Variants in FRYL observed in about 807,000 individuals in gnomAD.
FRYL encodes FRY like transcription coactivator.
In FRYL, 150 loss-of-function variants were observed where a neutral mutation model predicts 351.2. That is an observed-to-expected ratio of 0.43 (90% confidence interval 0.37 to 0.49). The LOEUF (loss-of-function observed/expected upper bound fraction) is 0.49, where lower values mean the gene tolerates loss of function less well. Among genes scored for constraint, FRYL ranks in the 20% least tolerant of loss-of-function variants. The probability of loss-of-function intolerance (pLI) is 0.00; values close to 1 mark genes in which losing one functional copy is unlikely to be tolerated. For missense variants in FRYL, 3,036 were observed against 3,619.3 expected, an observed-to-expected ratio of 0.84 and a Z score of 4.13; for synonymous variants, 1,153 against 1,257.1, an observed-to-expected ratio of 0.92 and a Z score of 1.75.
Position 48,726,780 on chromosome 4 carries a change from T to G in FRYL, c.-383-16082A>C, listed in dbSNP as rs577626712. Among the ~76,000 whole-genome samples the G allele has an allele frequency of 3.9e-5, 6 of 152,358 alleles. 1 individual carries two copies. Among genetic ancestry groups the G allele is most frequent in the African/African-American group, 1.4e-4 (6 of 41,592 alleles). On this transcript the variant is annotated intron_variant, in intron 1 of 63. Transcript: ENST00000358350. ...TGCTGTCTCAGTAATTGATGACTCA[T>G]AGTGCCTTTACAGGAAAGACAACTT...
At chr4:48,671,387 G>A (rs1305173650) in intron 3 of FRYL, among the ~76,000 whole-genome samples, 3 of 152,138 alleles carry the variant, frequency 2.0e-5, no homozygotes, top group East Asian at 1.9e-4. Flanking sequence ...GAAAGCTAGG[G>A]CCGGGTGTGG....
chr4:48,639,375 T>C (rs985268600), intron 3 of FRYL, among the ~76,000 whole-genome samples: 1 of 151,670 alleles, frequency 6.6e-6, no homozygotes, highest in Admixed American at 6.6e-5. Flanking sequence ...AGCCCAGAAA[T>C]AGACCCACAC....
At chr4:48,584,470 G>C (rs1741649007) in intron 19 of FRYL, among the ~76,000 whole-genome samples, 1 of 152,172 alleles carries the variant, frequency 6.6e-6, no homozygotes, top group South Asian at 2.1e-4. Flanking sequence ...AGCAGCAGCA[G>C]TTCCATCAGC....
At chr4:48,715,855 T>C (rs1326796354) in intron 1 of FRYL, among the ~76,000 whole-genome samples, 3 of 152,180 alleles carry the variant, frequency 2.0e-5, no homozygotes, top group Non-Finnish European at 4.4e-5. Context: ...GGAGGCATCA[T>C]ACTTCCTGAC....
intron 2 of FRYL, among the ~76,000 whole-genome samples, chr4:48,706,161 G>A (rs1057484752): frequency 2.0e-5 from 3 of 152,128 alleles, no homozygotes; most frequent in African/African-American, 7.2e-5. Flanking sequence ...AGACTGAATT[G>A]AAAGACTTGA....
At chr4:48,533,905 G>A (rs530837132) in intron 49 of FRYL, among the ~76,000 whole-genome samples, 1 of 152,090 alleles carries the variant, frequency 6.6e-6, no homozygotes, top group East Asian at 1.9e-4. Context: ...GTAGAATCTC[G>A]TTAAAAAACA....
intron 3 of FRYL, among the ~76,000 whole-genome samples, chr4:48,676,365 C>G (rs1763676981): frequency 6.6e-6 from 1 of 152,148 alleles, no homozygotes; most frequent in Admixed American, 6.5e-5. Flanking sequence ...ACTCCCAACA[C>G]ATCTGAACAT....
intron 1 of FRYL, among the ~76,000 whole-genome samples, chr4:48,770,519 C>T (rs560734939): frequency 6.6e-6 from 1 of 152,106 alleles, no homozygotes; most frequent in Admixed American, 6.5e-5. Flanking sequence ...CTCACCGCAA[C>T]CTCCGCCTCC....
intron 16 of FRYL, among the ~76,000 whole-genome samples, chr4:48,593,421 C>T (rs1235891267): frequency 2.6e-5 from 4 of 151,924 alleles, no homozygotes; most frequent in South Asian, 2.1e-4. Flanking sequence ...CTCGACTCAC[C>T]GCAACCTCTG....
chr4:48,757,312 A>G (rs975843748), intron 1 of FRYL, among the ~76,000 whole-genome samples: 1 of 152,240 alleles, frequency 6.6e-6, no homozygotes, highest in African/African-American at 2.4e-5. Flanking sequence ...CCCTGTTTGC[A>G]GATGACATGA....
chr4:48,584,676 T>A (rs537824517), intron 19 of FRYL, among the ~76,000 whole-genome samples: 62 of 152,248 alleles, frequency 4.1e-4, no homozygotes, highest in Non-Finnish European at 6.8e-4. Context: ...ATACAGGGTA[T>A]ACATGTGTGA....
At chr4:48,571,038 G>C in intron 26 of FRYL, 120 bp from the exon 27 acceptor site, 4 of 672,090 alleles carry the variant, frequency 6.0e-6, no homozygotes, top group Non-Finnish European at 1.0e-5. Flanking sequence ...GTACAGTGTA[G>C]ACTGTGGGTA....
intron 33 of FRYL, 37 bp downstream of exon 33, chr4:48,561,431 G>A (rs369845153): frequency 1.5e-6 from 2 of 1,326,452 alleles, no homozygotes; most frequent in African/African-American, 1.5e-5. Context: ...AGAAATGATT[G>A]ACAAATAGAA....
chr4:48,628,017 C>T (rs1474402428), intron 4 of FRYL, among the ~76,000 whole-genome samples: 1 of 152,162 alleles, frequency 6.6e-6, no homozygotes, highest in African/African-American at 2.4e-5. Context: ...GTGATCCATG[C>T]GCCTCAGCCT....
chr4:48,617,034 G>A (rs933947816), intron 7 of FRYL, among the ~76,000 whole-genome samples: 1 of 151,960 alleles, frequency 6.6e-6, no homozygotes, highest in African/African-American at 2.4e-5. Context: ...TTTTACCAGC[G>A]GGAATAATCC....
intron 3 of FRYL, among the ~76,000 whole-genome samples, chr4:48,644,900 C>T (rs58976855): frequency 6.6e-6 from 1 of 150,958 alleles, no homozygotes; most frequent in Admixed American, 6.6e-5. Context: ...ATAAACAAGA[C>T]AAAGTTGGAG....
chr4:48,653,976 G>C (rs1758261854), intron 3 of FRYL: 1 of 1,131,642 alleles, frequency 8.8e-7, no homozygotes, highest in African/African-American at 1.6e-5. Flanking sequence ...CAACTATAGT[G>C]GAAATGCCGC....
chr4:48,540,297 A>AG, intron 46 of FRYL, 56 bp downstream of exon 46: 1 of 1,527,694 alleles, frequency 6.5e-7, no homozygotes, highest in Non-Finnish European at 8.8e-7. Flanking sequence ...ACAAATGATT[A>AG]GTTTACATTT....
chr4:48,696,849 T>G (rs566610652), intron 2 of FRYL, among the ~76,000 whole-genome samples: 10 of 38,852 alleles, frequency 2.6e-4, no homozygotes, highest in East Asian at 5.8e-4. Context: ...ATAAGAGATC[T>G]ATCTATCTAT....
Sources: allele counts gnomAD v4.1 joint callset (sites outside exome capture counted in the v4.1 genomes callset), GRCh38; gene constraint gnomAD v4.1.1; transcripts MANE v1.5; gene names NCBI Gene and HGNC (gene_info 2026-07-23, HGNC 2026-07-21).